The following TMEM201 variants were observed in gnomAD, a reference collection of about 807,000 sequenced individuals.
TMEM201 encodes RP13-15M17.2.
Under a neutral mutation model 63.4 loss-of-function variants are expected in TMEM201, and 26 were observed. The observed-to-expected ratio is 0.41, with a 90% CI of 0.30 to 0.57. The LOEUF (loss-of-function observed/expected upper bound fraction) is 0.57, where lower values mean the gene tolerates loss of function less well. Ranked by LOEUF, TMEM201 falls within the 20% of genes least tolerant of loss-of-function variation. The pLI, the probability that TMEM201 is intolerant of heterozygous loss-of-function variation, is 0.29. For missense variants in TMEM201, 794 were observed against 917.7 expected, an observed-to-expected ratio of 0.87 and a Z score of 1.74; for synonymous variants, 417 against 421.6, an observed-to-expected ratio of 0.99 and a Z score of 0.14.
At chr1:9,597,856 G>C (rs756034185) in intron 3 of TMEM201, among the ~76,000 whole-genome samples, 22 of 152,244 alleles carry the variant, frequency 1.4e-4, no homozygotes, top group Admixed American at 3.9e-4. Flanking sequence ...TCACACTCCT[G>C]ACCCTCCTGG....
At chr1:9,612,658 TC>T in intron 10 of TMEM201, among the ~76,000 whole-genome samples, 1 of 152,128 alleles carries the variant, frequency 6.6e-6, no homozygotes, top group Admixed American at 6.5e-5. Flanking sequence ...GTGCTCCTGT[TC>T]CCAGCCCCCA....
At chr1:9,592,689 G>C (rs1030892198) in intron 1 of TMEM201, among the ~76,000 whole-genome samples, 2 of 152,126 alleles carry the variant, frequency 1.3e-5, no homozygotes, top group Admixed American at 1.3e-4. Flanking sequence ...ACACGTGCCC[G>C]TCTTGTTTTC....
Position 9,604,574 on chromosome 1 carries a change from C to G in TMEM201, c.1160+2302C>G, listed in dbSNP as rs1644208586. On this transcript the variant is annotated intron_variant, in intron 6 of 10. Coordinates refer to ENST00000340381, the MANE Select transcript of TMEM201 (RefSeq NM_001130924.3). This position sits in a 1 kb window ranked among gnomAD's most constrained non-coding sequence, Gnocchi z 4.1. The stretch of plus-strand genomic sequence containing the variant: ...TCTCCTCGCGGGGGACTTGGGATGG[C>G]CATCAGACCTTCTAGGGTCTGGCTG... 22 of 985,416 alleles carry G rather than the reference C, an allele frequency of 2.2e-5. No homozygotes were observed. The highest frequency in any genetic ancestry group is 2.7e-5 in the Non-Finnish European group (22 of 829,930). 61.0% of individuals were successfully genotyped at this position (985,416 alleles called of 1,614,324 possible).
At chr1:9,602,296 G>T in intron 6 of TMEM201, 24 bp downstream of exon 6, 2 of 1,608,370 alleles carry the variant, frequency 1.2e-6, no homozygotes, top group Non-Finnish European at 1.7e-6. Context: ...CCATGACTGC[G>T]GGGGGAGGAC....
At chr1:9,594,097 C>T (rs560463005) in intron 1 of TMEM201, among the ~76,000 whole-genome samples, 135 of 152,378 alleles carry the variant, frequency 8.9e-4, no homozygotes, top group African/African-American at 3.2e-3. Context: ...CTGTAGGATC[C>T]TCACAGTGGC....
chr1:9,604,772 G>T lies in TMEM201; in HGVS notation c.1160+2500G>T, dbSNP rs1249024954. 4 of 986,024 alleles carry T rather than the reference G, an allele frequency of 4.1e-6. No individual in the cohort carries two copies. Among genetic ancestry groups the T allele is most frequent in the Non-Finnish European group, 4.8e-6 (4 of 830,046 alleles). The allele number at this position is 986,024 out of a possible 1,614,324, so 61.1% of individuals were successfully genotyped here. ...CGCCGCACCTGCCACATTCAGCCCT[G>T]CCCAGGAAGGAACACATGACCCTTC... On this transcript the variant is annotated intron_variant, in intron 6 of 10. Coordinates refer to ENST00000340381, the MANE Select transcript of TMEM201 (RefSeq NM_001130924.3). The surrounding 1 kb of genome is among the most constrained non-coding windows in gnomAD (Gnocchi z 4.1).
rs567441436 is a variant in TMEM201, at chr1:9,607,048, G to A, written c.1161-509G>A. On this transcript the variant is annotated intron_variant, in intron 6 of 10. Coordinates refer to ENST00000340381, the MANE Select transcript of TMEM201 (RefSeq NM_001130924.3). The surrounding 1 kb of genome is among the most constrained non-coding windows in gnomAD (Gnocchi z 5.4). ...CAGGAATCACACCTGGGAACAGAGG[G>A]TGCCCAGAGCCGTGCTGGGGCCTGA... Among the ~76,000 whole-genome samples the A allele has an allele frequency of 6.6e-6, 1 of 152,308 alleles. No homozygotes were observed. The highest frequency in any genetic ancestry group is 2.4e-5 in the African/African-American group (1 of 41,574).
At position 9,604,293 on chromosome 1, in the gene TMEM201, C is replaced by T. The variant is rs1274496598; in HGVS notation, c.1160+2021C>T. The T allele has an allele frequency of 1.0e-6, 1 of 985,316 alleles. No individual in the cohort carries two copies. Among genetic ancestry groups the T allele is most frequent in the Non-Finnish European group, 1.2e-6 (1 of 829,940 alleles). The allele number at this position is 985,316 out of a possible 1,614,324, so 61.0% of individuals were successfully genotyped here. On this transcript the variant is annotated intron_variant, in intron 6 of 10. Transcript: ENST00000340381. The surrounding 1 kb of genome is among the most constrained non-coding windows in gnomAD (Gnocchi z 4.1). ...AGCCCTCGCGCTGGCCAGGATCCTC[C>T]TGCCGAGCTGATGTCGCTCCTGCCC... is the stretch of plus-strand genomic sequence containing the variant.
chr1:9,602,738 C>T, intron 6 of TMEM201: 1 of 1,020,736 alleles, frequency 9.8e-7, no homozygotes, highest in Non-Finnish European at 1.2e-6. Flanking sequence ...GGCTGGGCCC[C>T]TGGCGTGCCC....
chr1:9,592,362 A>T (rs946202845), intron 1 of TMEM201, among the ~76,000 whole-genome samples: 1 of 152,192 alleles, frequency 6.6e-6, no homozygotes, highest in Non-Finnish European at 1.5e-5. Flanking sequence ...GGGCCAGCAC[A>T]CAGTGTCCCA....
intron 9 of TMEM201, 62 bp from the exon 10 acceptor site, chr1:9,611,691 C>T (rs1344662349): frequency 6.5e-7 from 1 of 1,544,664 alleles, no homozygotes; most frequent in Non-Finnish European, 8.8e-7. Flanking sequence ...GTACAGCTGC[C>T]CCGCGTCTGT....
chr1:9,614,371 C>T lies in TMEM201; in HGVS notation c.*1288C>T, dbSNP rs552809776. 1 of 151,998 alleles carries T rather than the reference C, an allele frequency of 6.6e-6. No homozygotes were observed. The highest frequency in any genetic ancestry group is 1.5e-5 in the Non-Finnish European group (1 of 67,944). 9.4% of individuals were successfully genotyped at this position (151,998 alleles called of 1,614,324 possible). On this transcript the variant is annotated 3_prime_UTR_variant, in exon 11 of 11. Coordinates refer to ENST00000340381, the MANE Select transcript of TMEM201 (RefSeq NM_001130924.3). The stretch of plus-strand genomic sequence containing the variant: ...GCCATGGAGGATTCTTTTTTTTAAG[C>T]TTTGGGTGCTTTTTTAATACTTTTT...
chr1:9,607,867 A>T lies in TMEM201; in HGVS notation c.1393+78A>T. 7.4e-7 allele frequency: 1 copy of T among 1,354,506 alleles called. No homozygotes were observed. Among genetic ancestry groups the T allele is most frequent in the Non-Finnish European group, 1.0e-6 (1 of 991,834 alleles). The allele number at this position is 1,354,506 out of a possible 1,614,324, so 83.9% of individuals were successfully genotyped here. ...AGAACTGTGGATGGGTACATAGTGT[A>T]GGGAGGGCCGGGAGTGGTTAGTGTT... On this transcript the variant is annotated intron_variant, in intron 7 of 10. Coordinates refer to ENST00000340381, the MANE Select transcript of TMEM201 (RefSeq NM_001130924.3). This position sits in a 1 kb window ranked among gnomAD's most constrained non-coding sequence, Gnocchi z 5.4.
intron 3 of TMEM201, 106 bp from the exon 4 acceptor site, chr1:9,598,343 T>C (rs928989727): frequency 5.8e-6 from 8 of 1,367,628 alleles, no homozygotes; most frequent in South Asian, 1.3e-5. Context: ...CCCCCGGTCA[T>C]CCCCTAGTAA....
rs544153253 is a variant in TMEM201, at chr1:9,598,610, C to A, written c.591C>A (p.Asp197Glu). The A allele has an allele frequency of 6.2e-7, 1 of 1,612,948 alleles. No individual in the cohort carries two copies. Among genetic ancestry groups the A allele is most frequent in the East Asian group, 2.2e-5 (1 of 44,904 alleles). The change falls in exon 4 of 11, where the codon GAC (aspartate) becomes GAA (glutamate). Residue 197 changes from aspartate to glutamate, a missense_variant. Coordinates refer to ENST00000340381, the MANE Select transcript of TMEM201 (RefSeq NM_001130924.3). ...ACCAGTTCAAGCGCCGGGAGGCCGA[C>A]CAGACCCACGCACAGGTGAGAGGCG... ...LSHQFKRREA[D>E]QTHAQNFSSA...
Position 9,610,416 on chromosome 1 carries a change from A to C in TMEM201, c.1466-90A>C. On this transcript the variant is annotated intron_variant, in intron 8 of 10. Transcript: ENST00000340381. This position sits in a 1 kb window ranked among gnomAD's most constrained non-coding sequence, Gnocchi z 4.9. ...GCACCTTTCCTGTCTTCCCGGGTTA[A>C]TAGAAGAATGCCCCCAGAAATGAAA... The C allele has an allele frequency of 7.8e-7, 1 of 1,284,832 alleles. No individual in the cohort carries two copies. Among genetic ancestry groups the C allele is most frequent in the East Asian group, 2.6e-5 (1 of 39,004 alleles). The allele number at this position is 1,284,832 out of a possible 1,614,324, so 79.6% of individuals were successfully genotyped here. A position where few individuals can be genotyped will look rare whatever the true frequency, so the allele number is the denominator to read the frequency against.
Position 9,601,432 on chromosome 1 carries a change from A to C in TMEM201, c.934A>C (p.Met312Leu). The C allele has an allele frequency of 6.3e-7, 1 of 1,591,234 alleles. No individual in the cohort carries two copies. The highest frequency in any genetic ancestry group is 8.5e-7 in the Non-Finnish European group (1 of 1,173,068). The change falls in exon 5 of 11, where the codon ATG (methionine) becomes CTG (leucine). Residue 312 changes from methionine to leucine, a missense_variant. Met to Leu is a conservative substitution (Grantham distance 15). Transcript: ENST00000340381. ...ALGLLTCLLA[M>L]LLAGRIRLRR... ...GGGCCTACTCACCTGCCTGCTGGCA[A>C]TGCTGCTGGCTGGCCGCATCAGGTG... is the stretch of plus-strand genomic sequence containing the variant.
Position 9,596,913 on chromosome 1 carries a change from G to A in TMEM201, c.289G>A (p.Val97Met), listed in dbSNP as rs750849501. 23 of 1,611,414 alleles carry A rather than the reference G, an allele frequency of 1.4e-5. No homozygotes were observed. The highest frequency in any genetic ancestry group is 6.7e-5 in the East Asian group (3 of 44,806). Residue 97 changes from valine to methionine, a missense_variant, in exon 3 of 11, where the codon GTG becomes ATG. Coordinates refer to ENST00000340381, the MANE Select transcript of TMEM201 (RefSeq NM_001130924.3). ...CCAGTACTTGGAGCACCTGAACCACGTGGTGAGCAGCGCGCCCAGCCTGCG... is the reference window on the plus strand; with the variant it reads ...CCAGTACTTGGAGCACCTGAACCACATGGTGAGCAGCGCGCCCAGCCTGCG... Reference protein sequence around the residue: ...PAQYLEHLNHVVSSAPSLRDP... With the variant: ...PAQYLEHLNHMVSSAPSLRDP...
intron 1 of TMEM201, 71 bp from the exon 2 acceptor site, chr1:9,595,819 A>T: frequency 6.3e-7 from 1 of 1,599,734 alleles, no homozygotes; most frequent in South Asian, 1.1e-5. Flanking sequence ...GCCCTGGGGC[A>T]GGGCATGGAG....
Sources: gnomAD v4.1 joint callset for allele counts (sites outside exome capture counted in the v4.1 genomes callset) on GRCh38, gnomAD v4.1.1 for gene constraint, Gnocchi (gnomAD v3.1) non-coding constraint, MANE v1.5 for transcripts, NCBI Gene and HGNC (gene_info 2026-07-23, HGNC 2026-07-21) for gene names.